TUSC3: variants seen among roughly 807,000 people sequenced by gnomAD.
The protein encoded by TUSC3 is dolichyl-diphosphooligosaccharide--protein glycosyltransferase subunit TUSC3.
In TUSC3, 45 loss-of-function variants were observed where a neutral mutation model predicts 44.8. The ratio of observed to expected loss-of-function variants is 1.00; its 90% CI spans 0.79 to 1.29. TUSC3 has a LOEUF of 1.29. TUSC3 is among the 50% of genes most tolerant of loss of function. The pLI, the probability that TUSC3 is intolerant of heterozygous loss-of-function variation, is 0.00. For missense variants in TUSC3, 519 were observed against 437.9 expected, an observed-to-expected ratio of 1.19 and a Z score of -1.65; for synonymous variants, 212 against 152.9, an observed-to-expected ratio of 1.39 and a Z score of -2.85.
chr8:15,450,000 A>C (rs1266655488), intron 1 of TUSC3, among the ~76,000 whole-genome samples: 1 of 152,182 alleles, frequency 6.6e-6, no homozygotes, highest in Non-Finnish European at 1.5e-5. Flanking sequence ...GCAGGAGGCT[A>C]TCCCTCTAGG....
intron 1 of TUSC3, among the ~76,000 whole-genome samples, chr8:15,597,162 G>A (rs559402275): frequency 6.6e-6 from 1 of 151,974 alleles, no homozygotes; most frequent in East Asian, 1.9e-4. Context: ...AATCATGACA[G>A]TAGAAAGAGA....
At chr8:15,524,229 A>T (rs1801343287) in intron 2 of TUSC3, among the ~76,000 whole-genome samples, 1 of 152,080 alleles carries the variant, frequency 6.6e-6, no homozygotes, top group Non-Finnish European at 1.5e-5. Context: ...ATTAAATAGG[A>T]GTTAATTTGC....
At chr8:15,453,200 A>G (rs959288614) in intron 1 of TUSC3, among the ~76,000 whole-genome samples, 4 of 152,180 alleles carry the variant, frequency 2.6e-5, no homozygotes, top group Non-Finnish European at 5.9e-5. Context: ...TTTCTGAAGA[A>G]TGTCTGTCCA....
upstream of TUSC3, among the ~76,000 whole-genome samples, chr8:15,536,677 GTC>G (rs1174771230): frequency 3.6e-5 from 2 of 54,896 alleles, no homozygotes; most frequent in Non-Finnish European, 6.8e-5. Flanking sequence ...GCAAGATTCC[GTC>G]TCAAAAAAAA....
At chr8:15,851,969 G>C in the TUSC3 span, among the ~76,000 whole-genome samples, 2 of 152,020 alleles carry the variant, frequency 1.3e-5, no homozygotes, top group East Asian at 3.9e-4. Flanking sequence ...CTTTTGCTTG[G>C]ATCTCATTTT....
At chr8:15,668,038 G>T (rs748288200) in intron 5 of TUSC3, among the ~76,000 whole-genome samples, 3 of 151,764 alleles carry the variant, frequency 2.0e-5, no homozygotes, top group Admixed American at 1.3e-4. Flanking sequence ...GTTATGTTCA[G>T]TTGTGTTTAT....
rs767995419 is a variant in TUSC3 at position 15,553,488 on chromosome 8, G to C, written c.138+12920G>C. Among the ~76,000 whole-genome samples the C allele has an allele frequency of 5.2e-5, 5 of 96,094 alleles. 2 individuals are homozygous for C. Among genetic ancestry groups the C allele is most frequent in the Admixed American group, 3.1e-4 (3 of 9,756 alleles). The allele number at this position is 96,094 out of a possible 152,430, so 63.0% of individuals were successfully genotyped here. A position where few individuals can be genotyped will look rare whatever the true frequency, so the allele number is the denominator to read the frequency against. On this transcript the variant is annotated intron_variant, in intron 1 of 10. Transcript: ENST00000503731. Reference sequence around the variant, plus strand: ...GTCAACAGTGATAAGTTTGGACTTTGCTGCTGGAGGAGCTTACAAGGAAAC... The same window carrying C: ...GTCAACAGTGATAAGTTTGGACTTTCCTGCTGGAGGAGCTTACAAGGAAAC...
chr8:15,439,402 C>A (rs1435282641), intron 1 of TUSC3, among the ~76,000 whole-genome samples: 1 of 152,106 alleles, frequency 6.6e-6, no homozygotes, highest in Non-Finnish European at 1.5e-5. Context: ...CTTATTTCTA[C>A]AAACAATAGC....
At chr8:15,781,750 C>T in the TUSC3 span, among the ~76,000 whole-genome samples, 1 of 152,066 alleles carries the variant, frequency 6.6e-6, no homozygotes, top group African/African-American at 2.4e-5. Flanking sequence ...TTCTAAACTT[C>T]CAAAAAACTG....
At chr8:15,835,576 C>T in the TUSC3 span, among the ~76,000 whole-genome samples, 1 of 151,920 alleles carries the variant, frequency 6.6e-6, no homozygotes, top group Admixed American at 6.6e-5. Flanking sequence ...CCCCTCATAT[C>T]TTGTTGATAA....
intron 1 of TUSC3, among the ~76,000 whole-genome samples, chr8:15,434,219 G>A (rs887237693): frequency 6.6e-6 from 1 of 150,618 alleles, no homozygotes. Context: ...ATCATTTTAT[G>A]TATTTGCCAT....
At chr8:15,631,935 C>G (rs1336497179) in intron 2 of TUSC3, among the ~76,000 whole-genome samples, 4 of 152,070 alleles carry the variant, frequency 2.6e-5, no homozygotes, top group Admixed American at 6.6e-5. Flanking sequence ...TCTTGAACTC[C>G]TGACCTCCTG....
At chr8:15,814,854 G>A in the TUSC3 span, among the ~76,000 whole-genome samples, 2 of 152,142 alleles carry the variant, frequency 1.3e-5, no homozygotes, top group South Asian at 2.1e-4. Flanking sequence ...CAGGATTCAA[G>A]TATATAAATG....
chr8:15,569,558 G>C (rs904976241), intron 1 of TUSC3, among the ~76,000 whole-genome samples: 1 of 152,118 alleles, frequency 6.6e-6, no homozygotes, highest in African/African-American at 2.4e-5. Context: ...GAAGGAGCGT[G>C]AGTAAATAAT....
intron 2 of TUSC3, among the ~76,000 whole-genome samples, chr8:15,515,150 T>A (rs1488560399): frequency 6.6e-6 from 1 of 152,212 alleles, no homozygotes; most frequent in Non-Finnish European, 1.5e-5. Flanking sequence ...GGGAGTCTTC[T>A]GACTTTCTCC....
At chr8:15,798,491 CG>C in the TUSC3 span, among the ~76,000 whole-genome samples, 2 of 152,056 alleles carry the variant, frequency 1.3e-5, no homozygotes, top group Non-Finnish European at 2.9e-5. Flanking sequence ...TCGCTGAGAT[CG>C]GGGTAGAGAA....
intron 1 of TUSC3, among the ~76,000 whole-genome samples, chr8:15,603,858 C>T (rs1220778184): frequency 6.6e-6 from 1 of 151,216 alleles, no homozygotes; most frequent in East Asian, 1.9e-4. Flanking sequence ...GATGTTTTTC[C>T]CCTTTTTCAA....
chr8:15,529,120 A>C (rs1232086685), intron 2 of TUSC3, among the ~76,000 whole-genome samples: 8 of 152,198 alleles, frequency 5.3e-5, no homozygotes, highest in African/African-American at 1.9e-4. Flanking sequence ...ACCAAATCAT[A>C]TGCTGTTTTT....
the TUSC3 span, among the ~76,000 whole-genome samples, chr8:15,833,128 T>C: frequency 2.6e-5 from 4 of 152,140 alleles, no homozygotes; most frequent in African/African-American, 9.7e-5. Context: ...TCACTGATCA[T>C]TAGAAAAATG....
Sources: gnomAD v4.1 joint callset for allele counts (sites outside exome capture counted in the v4.1 genomes callset) on GRCh38, gnomAD v4.1.1 for gene constraint, MANE v1.5 for transcripts, NCBI Gene and HGNC (gene_info 2026-07-23, HGNC 2026-07-21) for gene names.